RAD51B: variants seen among roughly 807,000 people sequenced by gnomAD.
RAD51B encodes RAD51 paralog B.
Under a neutral mutation model 42.2 loss-of-function variants are expected in RAD51B, and 38 were observed. The ratio of observed to expected loss-of-function variants is 0.90; its 90% CI spans 0.70 to 1.18. The LOEUF is 1.18. Ranked by LOEUF, RAD51B falls within the 50% of genes most tolerant of loss-of-function variation. The pLI is 0.00. For synonymous variants in RAD51B, 154 were observed against 145.2 expected, an observed-to-expected ratio of 1.06 and a Z score of -0.43; for missense variants, 373 against 400.7, an observed-to-expected ratio of 0.93 and a Z score of 0.59.
chr14:67,884,540 C>A (rs2043006484), intron 5 of RAD51B, among the ~76,000 whole-genome samples: 2 of 152,304 alleles, frequency 1.3e-5, no homozygotes. Context: ...TTTCCCTAAT[C>A]AAAAATTTAC....
chr14:68,185,929 C>T (rs1363240791), intron 7 of RAD51B, among the ~76,000 whole-genome samples: 1 of 152,132 alleles, frequency 6.6e-6, no homozygotes, highest in African/African-American at 2.4e-5. Context: ...AAAAACTCTC[C>T]CTTTGAGGCA....
chr14:68,262,493 A>T (rs935335010), intron 7 of RAD51B, among the ~76,000 whole-genome samples: 85 of 152,140 alleles, frequency 5.6e-4, no homozygotes, highest in African/African-American at 2.0e-3. Flanking sequence ...CCCATGCCCC[A>T]CTTAAGGTTT....
intron 7 of RAD51B, among the ~76,000 whole-genome samples, chr14:68,192,113 G>T (rs1367132326): frequency 1.3e-5 from 2 of 152,056 alleles, no homozygotes; most frequent in African/African-American, 2.4e-5. Flanking sequence ...TTCAATTCAG[G>T]TCACCTACAG....
At position 68,306,542 on chromosome 14, in the gene RAD51B, A is replaced by G. The variant is rs191618510; in HGVS notation, c.853+14562A>G. On this transcript the variant is annotated intron_variant, in intron 8 of 10. Coordinates refer to ENST00000471583, the MANE Select transcript of RAD51B (RefSeq NM_133510.4). The stretch of plus-strand genomic sequence containing the variant: ...CTGAACAGCTCTCTCAGAGGAAGTC[A>G]TCTGAAATTGGTATGTGTGACCCAG... 8 of 452,326 alleles carry G rather than the reference A, an allele frequency of 1.8e-5. No homozygotes were observed. In the East Asian group the frequency reaches 4.0e-4, roughly 23 times the overall value. The allele number at this position is 452,326 out of a possible 1,614,324, so 28.0% of individuals were successfully genotyped here.
intron 10 of RAD51B, among the ~76,000 whole-genome samples, chr14:68,528,131 C>G (rs1384902648): frequency 2.6e-5 from 4 of 152,176 alleles, no homozygotes; most frequent in Non-Finnish European, 5.9e-5. Flanking sequence ...GTAAAGAATT[C>G]CCTCCAGTCT....
chr14:67,943,863 G>T (rs2140187728), intron 7 of RAD51B, among the ~76,000 whole-genome samples: 1 of 152,246 alleles, frequency 6.6e-6, no homozygotes, highest in South Asian at 2.1e-4. Context: ...GGGTAAAATT[G>T]TTGCTCAGAT....
intron 8 of RAD51B, among the ~76,000 whole-genome samples, chr14:68,399,816 G>A (rs1429992292): frequency 2.0e-5 from 3 of 152,002 alleles, no homozygotes; most frequent in Non-Finnish European, 2.9e-5. Context: ...TAATATACTG[G>A]CAATATTCAA....
intron 7 of RAD51B, among the ~76,000 whole-genome samples, chr14:68,056,161 CTTTTG>C (rs1343742842): frequency 6.6e-6 from 1 of 151,950 alleles, no homozygotes; most frequent in Non-Finnish European, 1.5e-5. Context: ...GAAAAGTTTT[CTTTTG>C]TTTTGTTTTT....
At chr14:68,366,393 G>A (rs1052755178) in intron 8 of RAD51B, among the ~76,000 whole-genome samples, 5 of 152,144 alleles carry the variant, frequency 3.3e-5, no homozygotes, top group Admixed American at 6.5e-5. Context: ...CATTGTAAAG[G>A]AAACAACAAC....
chr14:67,967,376 G>A (rs545350833), intron 7 of RAD51B, among the ~76,000 whole-genome samples: 2 of 152,246 alleles, frequency 1.3e-5, no homozygotes, highest in African/African-American at 4.8e-5. Context: ...GTCCCACAAA[G>A]TCTTAACTCA....
At chr14:68,049,811 C>T (rs1441014193) in intron 7 of RAD51B, among the ~76,000 whole-genome samples, 2 of 152,296 alleles carry the variant, frequency 1.3e-5, no homozygotes, top group South Asian at 4.1e-4. Flanking sequence ...ATTTCTAAAA[C>T]ATTTCTCTTG....
In RAD51B at chr14:67,980,564, A is replaced by G. The variant is rs532041712; in HGVS notation, c.756+93360A>G. Among the ~76,000 whole-genome samples, 3 of 152,372 alleles carry G rather than the reference A, an allele frequency of 2.0e-5. No individual in the cohort carries two copies. The East Asian group carries it at 5.8e-4, about 29-fold the overall frequency. Reference sequence around the variant, plus strand: ...AGATAGAGAAACAGATCAGTGGGAAAGAATGGAGAGTCCAGAAACAGATTC... The same window carrying G: ...AGATAGAGAAACAGATCAGTGGGAAGGAATGGAGAGTCCAGAAACAGATTC... On this transcript the variant is annotated intron_variant, in intron 7 of 10. Coordinates refer to ENST00000471583, the MANE Select transcript of RAD51B (RefSeq NM_133510.4).
At chr14:67,829,529 A>T (rs2040960081) in intron 3 of RAD51B, among the ~76,000 whole-genome samples, 1 of 152,044 alleles carries the variant, frequency 6.6e-6, no homozygotes, top group African/African-American at 2.4e-5. Context: ...GGCGTGAGCC[A>T]CTGTGCCCGG....
chr14:68,402,818 A>G (rs1217222844), intron 8 of RAD51B, among the ~76,000 whole-genome samples: 2 of 152,160 alleles, frequency 1.3e-5, no homozygotes, highest in African/African-American at 4.8e-5. Context: ...TAAGGCAGGA[A>G]CTATTGAGGT....
intron 7 of RAD51B, among the ~76,000 whole-genome samples, chr14:68,085,618 T>C (rs763193592): frequency 2.6e-5 from 4 of 152,222 alleles, no homozygotes; most frequent in African/African-American, 4.8e-5. Context: ...ATCAGTGGCC[T>C]TTTAGAAGCC....
intron 5 of RAD51B, among the ~76,000 whole-genome samples, chr14:67,879,983 T>C (rs2042854652): frequency 6.6e-6 from 1 of 152,224 alleles, no homozygotes; most frequent in Admixed American, 6.5e-5. Context: ...TCATCTGTCT[T>C]AGGCTCTTAA....
intron 7 of RAD51B, among the ~76,000 whole-genome samples, chr14:68,058,539 G>T (rs2076517014): frequency 6.6e-6 from 1 of 152,110 alleles, no homozygotes. Context: ...CTTGTACACA[G>T]TTAGTTGCAT....
intron 7 of RAD51B, among the ~76,000 whole-genome samples, chr14:68,159,298 A>T (rs1189323436): frequency 1.3e-5 from 2 of 152,096 alleles, no homozygotes; most frequent in African/African-American, 4.8e-5. Context: ...TTAAAAAAAT[A>T]GCTCATTTTC....
chr14:67,891,794 A>T (rs1371972192), intron 7 of RAD51B, among the ~76,000 whole-genome samples: 4 of 152,142 alleles, frequency 2.6e-5, no homozygotes, highest in Admixed American at 6.5e-5. Flanking sequence ...TAAAATAATT[A>T]AGGTTTTATT....
Sources: gnomAD v4.1 joint callset for allele counts (sites outside exome capture counted in the v4.1 genomes callset) on GRCh38, gnomAD v4.1.1 for gene constraint, MANE v1.5 for transcripts, NCBI Gene and HGNC (gene_info 2026-07-23, HGNC 2026-07-21) for gene names.